Variants in DNAH10 observed in about 807,000 individuals in gnomAD.
DNAH10 encodes dynein axonemal heavy chain 10.
In DNAH10, 348 loss-of-function variants were observed where a neutral mutation model predicts 506.6. The ratio of observed to expected loss-of-function variants is 0.69; its 90% confidence interval spans 0.63 to 0.75. The LOEUF is 0.75. DNAH10 is among the 30% of genes least tolerant of loss of function. DNAH10 has a pLI of 0.00. For missense variants in DNAH10, 5,179 were observed against 5,787.1 expected, an observed-to-expected ratio of 0.89 and a Z score of 3.41; for synonymous variants, 2,059 against 2,198.6, an observed-to-expected ratio of 0.94 and a Z score of 1.78.
chr12:123,892,750 C>T (rs927439902), intron 52 of DNAH10, among the ~76,000 whole-genome samples: 1 of 152,184 alleles, frequency 6.6e-6, no homozygotes, highest in African/African-American at 2.4e-5. Context: ...GACTGCGTGC[C>T]GTTGACATTT....
rs1954849226 is a variant in DNAH10 at position 123,924,411 on chromosome 12, TA to T, written c.11747del (p.Asn3916IlefsTer48). The T allele has an allele frequency of 6.2e-7, 1 of 1,613,238 alleles. No individual in the cohort carries two copies. The highest frequency in any genetic ancestry group is 1.3e-5 in the African/African-American group (1 of 74,906). ...GGCAACTTCCTGATGATGTTGAGAATAATCAGACTGTCTGGCAGGAGGTGAG... is the reference window on the plus strand; with the variant it reads ...GGCAACTTCCTGATGATGTTGAGAATATCAGACTGTCTGGCAGGAGGTGAG... ...FGQLPDDVEN[N>X]QTVWQEWYDL... is the part of the protein sequence containing the mutation. On this transcript the variant is annotated frameshift_variant, in exon 67 of 79. Transcript: ENST00000673944. LOFTEE classifies it high-confidence loss of function.
intron 36 of DNAH10, among the ~76,000 whole-genome samples, chr12:123,854,069 GT>G (rs10648649): frequency 1.5e-3 from 172 of 117,030 alleles, no homozygotes; most frequent in Middle Eastern, 5.2e-3. Context: ...ACACATTTGG[GT>G]TTTTTTTTTT....
Position 123,794,105 on chromosome 12 carries a change from G to A in DNAH10, c.1979G>A (p.Cys660Tyr), listed in dbSNP as rs1017378381. 2.5e-6 allele frequency: 3 copies of A among 1,194,468 alleles called. No individual in the cohort carries two copies. Among genetic ancestry groups the A allele is most frequent in the Admixed American group, 3.3e-5 (1 of 30,012 alleles). 74.0% of individuals were successfully genotyped at this position (1,194,468 alleles called of 1,614,324 possible). ...TTTAATGATATTCTTGCACAGTACT[G>A]TAAAGAGGTAATTGAAAAATCGATA... ...MKFNDILAQYCKEIDIINKIF... is the reference protein window; with the variant it reads ...MKFNDILAQYYKEIDIINKIF... Residue 660 changes from cysteine to tyrosine, a missense_variant, in exon 12 of 79, where the codon TGT (cysteine) becomes TAT (tyrosine). By Grantham distance (194) the Cys-to-Tyr change is radical. Transcript: ENST00000673944.
At chr12:123,803,633 A>G in intron 16 of DNAH10, 28 bp from the exon 17 acceptor site, 1 of 1,504,388 alleles carries the variant, frequency 6.6e-7, no homozygotes, top group Non-Finnish European at 8.9e-7. Flanking sequence ...TGGAAGCCAA[A>G]TGTCTTTCTT....
At chr12:123,841,022 A>G (rs1950756741) in intron 29 of DNAH10, among the ~76,000 whole-genome samples, 1 of 152,198 alleles carries the variant, frequency 6.6e-6, no homozygotes, top group African/African-American at 2.4e-5. Context: ...TCCACGTTCC[A>G]CTGGCTCCTA....
intron 24 of DNAH10, among the ~76,000 whole-genome samples, chr12:123,822,448 T>C (rs1565949356): frequency 1.3e-5 from 2 of 152,158 alleles, no homozygotes; most frequent in African/African-American, 2.4e-5. Context: ...ACAGAATCAA[T>C]AGGAGATATG....
At chr12:123,897,431 T>C (rs1953303097) in intron 54 of DNAH10, among the ~76,000 whole-genome samples, 1 of 152,216 alleles carries the variant, frequency 6.6e-6, no homozygotes, top group African/African-American at 2.4e-5. Context: ...TTTTCCTTTC[T>C]TAACAAGCAT....
intron 59 of DNAH10, among the ~76,000 whole-genome samples, chr12:123,912,430 CGCAGGGG>C (rs1954252710): frequency 1.9e-5 from 1 of 52,348 alleles, no homozygotes; most frequent in African/African-American, 9.4e-5. Context: ...GGGTCTTTCC[CGCAGGGG>C]GTCTGTCCTG....
rs1418822215 is a variant in DNAH10 at position 123,931,719 on chromosome 12, G to C, written c.13000G>C (p.Asp4334His). ...AGAAAACAAGATGCCCAAAGTCTTTGACTTGGACCAGGTGAGGAAGCGCCT... is the reference window on the plus strand; with the variant it reads ...AGAAAACAAGATGCCCAAAGTCTTTCACTTGGACCAGGTGAGGAAGCGCCT... ...EIENKMPKVF[D>H]LDQVRKRLGT... is the part of the protein sequence containing the mutation. Residue 4334 changes from aspartate (D) to histidine (H), a missense_variant, in exon 75 of 79, where the codon GAC becomes CAC. Coordinates refer to ENST00000673944, the MANE Select transcript of DNAH10 (RefSeq NM_001372106.1). The C allele has an allele frequency of 8.1e-6, 13 of 1,613,934 alleles. No individual in the cohort carries two copies. The highest frequency in any genetic ancestry group is 1.0e-5 in the Non-Finnish European group (12 of 1,179,908).
In DNAH10 at chr12:123,871,605, A is replaced by G. The variant is rs1485131030; in HGVS notation, c.7785+3A>G. ...AAAATCTGAGTGAAGAAACTAACGT[A>G]AGTCATTATTCATATGAATTATCTA... On this transcript the variant is annotated splice_donor_region_variant and intron_variant, in intron 45 of 78. Coordinates refer to ENST00000673944, the MANE Select transcript of DNAH10 (RefSeq NM_001372106.1). 1.3e-6 allele frequency: 2 copies of G among 1,548,590 alleles called. No homozygotes were observed. The highest frequency in any genetic ancestry group is 1.2e-5 in the South Asian group (1 of 84,062).
chr12:123,765,787 C>G (rs1160941429), intron 1 of DNAH10, among the ~76,000 whole-genome samples: 1 of 151,860 alleles, frequency 6.6e-6, no homozygotes, highest in Non-Finnish European at 1.5e-5. Context: ...CTATCTATCT[C>G]TGTCTATACA....
At chr12:123,881,562 G>T in intron 50 of DNAH10, 63 bp from the exon 51 acceptor site, 2 of 1,442,704 alleles carry the variant, frequency 1.4e-6, no homozygotes, top group East Asian at 2.6e-5. Flanking sequence ...CCCTTTGTCA[G>T]ATGGGTAGAT....
chr12:123,847,297 G>A (rs973793032), intron 32 of DNAH10, among the ~76,000 whole-genome samples: 4 of 140,896 alleles, frequency 2.8e-5, no homozygotes, highest in Admixed American at 7.2e-5. Context: ...TTATCATCTC[G>A]ATCATCTATT....
In DNAH10 at chr12:123,890,140, TG is replaced by T. The variant is rs553145178; in HGVS notation, c.8995+2828del. ...GCCATGGACACCTTTAGAGGGCTGT[TG>T]TGCAGGGATCAGGACGAGGTGGAGG... is the stretch of plus-strand genomic sequence containing the variant. On this transcript the variant is annotated intron_variant, in intron 52 of 78. Coordinates refer to ENST00000673944, the MANE Select transcript of DNAH10 (RefSeq NM_001372106.1). Among the ~76,000 whole-genome samples, 46 of 152,320 alleles carry T rather than the reference TG, an allele frequency of 3.0e-4. No homozygotes were observed. The South Asian group carries it at 9.1e-3, about 30-fold the overall frequency.
At chr12:123,836,142 G>A (rs964191050) in intron 28 of DNAH10, among the ~76,000 whole-genome samples, 1 of 152,154 alleles carries the variant, frequency 6.6e-6, no homozygotes, top group Non-Finnish European at 1.5e-5. Flanking sequence ...ACTTTAACAT[G>A]TCAATATATT....
intron 56 of DNAH10, among the ~76,000 whole-genome samples, chr12:123,899,229 C>T (rs541532566): frequency 1.3e-5 from 2 of 152,240 alleles, no homozygotes; most frequent in Admixed American, 6.5e-5. Flanking sequence ...CCCCTTCCCT[C>T]GGTCTTCTTG....
In DNAH10 at chr12:123,830,862, GAACCT is replaced by G. The variant is rs1960474858; in HGVS notation, c.4545+164_4545+168del. Among the ~76,000 whole-genome samples, 3 of 152,166 alleles carry G rather than the reference GAACCT, an allele frequency of 2.0e-5. No homozygotes were observed. The South Asian group carries it at 6.2e-4, about 32-fold the overall frequency. On this transcript the variant is annotated intron_variant, in intron 26 of 78. Transcript: ENST00000673944. ...GGAGGCTGAGGTGGGAGGATCACTT[GAACCT>G]GGAAGGTGGAGGCTGCAGTGAACTG... is the stretch of plus-strand genomic sequence containing the variant.
Position 123,887,029 on chromosome 12 carries a change from A to T in DNAH10, c.8824-113A>T, listed in dbSNP as rs113086939. 9.8e-6 allele frequency: 13 copies of T among 1,327,992 alleles called. No homozygotes were observed. The African/African-American group carries it at 1.3e-4, about 14-fold the overall frequency. The allele number at this position is 1,327,992 out of a possible 1,614,324, so 82.3% of individuals were successfully genotyped here. On this transcript the variant is annotated intron_variant, in intron 51 of 78. Transcript: ENST00000673944. ...TTTTCTTTCCTGACCTACTTCCTCG[A>T]GCTTGGACAGACCCACGCCCTCTGC...
In DNAH10 at chr12:123,918,838, G is replaced by C; in HGVS notation, c.11395G>C (p.Glu3799Gln). 1 of 1,613,950 alleles carries C rather than the reference G, an allele frequency of 6.2e-7. No individual in the cohort carries two copies. Among genetic ancestry groups the C allele is most frequent in the Non-Finnish European group, 8.5e-7 (1 of 1,179,890 alleles). ...CCAGTACTCCCTGATTGCCTTCTTA[G>C]AGGTCTTCAGGCTGTCACTGAAGAA... is the stretch of plus-strand genomic sequence containing the variant. ...MYQYSLIAFL[E>Q]VFRLSLKKSL... The change falls in exon 65 of 79, where the codon GAG (glutamate) becomes CAG (glutamine). Residue 3799 changes from glutamate (E) to glutamine (Q), a missense_variant. This residue lies in a region of DNAH10 where 4,844 missense variants were observed against 5,430.5 expected (regional missense o/e 0.89). Transcript: ENST00000673944.
Sources: allele counts gnomAD v4.1 joint callset (sites outside exome capture counted in the v4.1 genomes callset), GRCh38; gene constraint gnomAD v4.1.1; regional missense constraint gnomAD v4.1.1; transcripts MANE v1.5; gene names NCBI Gene and HGNC (gene_info 2026-07-23, HGNC 2026-07-21).